CDON: variants seen among roughly 807,000 people sequenced by gnomAD.
The protein encoded by CDON is cell adhesion molecule-related/down-regulated by oncogenes.
A neutral mutation model predicts 120.9 loss-of-function variants in CDON; 73 were observed. The observed-to-expected ratio is 0.60, with a 90% CI of 0.50 to 0.73. The LOEUF (loss-of-function observed/expected upper bound fraction) is 0.73. CDON is among the 30% of genes least tolerant of loss of function. The pLI is 0.00. For missense variants in CDON, 1,470 were observed against 1,587.3 expected, an observed-to-expected ratio of 0.93 and a Z score of 1.26; for synonymous variants, 566 against 573.5, an observed-to-expected ratio of 0.99 and a Z score of 0.19.
chr11:125,981,216 G>A lies in CDON; in HGVS notation c.3109C>T (p.Leu1037=). The A allele has an allele frequency of 2.5e-6, 4 of 1,614,212 alleles. No individual in the cohort carries two copies. Among genetic ancestry groups the A allele is most frequent in the Non-Finnish European group, 3.4e-6 (4 of 1,180,034 alleles). ...CCACTGCTGAGACCGCCATTGGTTA[G>A]GAAGCCTCCGTGAACATTTCCATTT... is the stretch of plus-strand genomic sequence containing the variant. The part of the protein sequence containing the change: ...QINGNVHGGF[L]TNGGLSSGYS... Residue 1037 remains leucine, a synonymous_variant, in exon 17 of 20, where the codon CTA becomes TTA. Coordinates refer to ENST00000531738, the MANE Select transcript of CDON (RefSeq NM_001378964.1).
chr11:125,963,974 C>G (rs1323854329), intron 18 of CDON, among the ~76,000 whole-genome samples: 1 of 152,180 alleles, frequency 6.6e-6, no homozygotes, highest in Non-Finnish European at 1.5e-5. Context: ...CCAACTTACT[C>G]TCTTGTCTAT....
At chr11:126,038,418 G>A (rs772546243) in intron 1 of CDON, among the ~76,000 whole-genome samples, 5 of 152,158 alleles carry the variant, frequency 3.3e-5, no homozygotes, top group African/African-American at 9.7e-5. Context: ...TAGGGGGGCC[G>A]AGGCAGGAGG....
chr11:126,032,426 G>A (rs953556214), intron 1 of CDON, among the ~76,000 whole-genome samples: 1 of 152,070 alleles, frequency 6.6e-6, no homozygotes, highest in Non-Finnish European at 1.5e-5. Context: ...GACACAGTGA[G>A]GGGAAAGCAA....
At chr11:126,015,984 T>G (rs1947456719) in intron 6 of CDON, among the ~76,000 whole-genome samples, 1 of 152,200 alleles carries the variant, frequency 6.6e-6, no homozygotes, top group Admixed American at 6.5e-5. Context: ...CAAAACTTCC[T>G]TTAGGGATCC....
intron 18 of CDON, among the ~76,000 whole-genome samples, chr11:125,971,029 CTTG>C (rs1945966445): frequency 6.6e-6 from 1 of 152,132 alleles, no homozygotes; most frequent in Non-Finnish European, 1.5e-5. Context: ...AACTGGACAA[CTTG>C]TTGTTTTAAT....
chr11:126,002,432 G>T (rs1243940992), intron 10 of CDON, among the ~76,000 whole-genome samples: 2 of 152,004 alleles, frequency 1.3e-5, no homozygotes, highest in African/African-American at 4.8e-5. Flanking sequence ...TAGATGAAAG[G>T]GTCTTTTTCA....
chr11:125,978,293 T>C lies in CDON; in HGVS notation c.3356+11A>G. The C allele has an allele frequency of 6.6e-7, 1 of 1,511,410 alleles. No homozygotes were observed. The highest frequency in any genetic ancestry group is 1.2e-5 in the South Asian group (1 of 86,760). The allele number at this position is 1,511,410 out of a possible 1,614,324, so 93.6% of individuals were successfully genotyped here. A position where few individuals can be genotyped will look rare whatever the true frequency, so the allele number is the denominator to read the frequency against. On this transcript the variant is annotated intron_variant, in intron 18 of 19. Coordinates refer to ENST00000531738, the MANE Select transcript of CDON (RefSeq NM_001378964.1). ...TTCACAACAGCTTGTGCAGACACAT[T>C]ATTAACATACCTATTGTTGTTTCGA...
intron 18 of CDON, among the ~76,000 whole-genome samples, chr11:125,974,206 AT>A (rs1946085757): frequency 6.6e-6 from 1 of 151,652 alleles, no homozygotes; most frequent in African/African-American, 2.4e-5. Flanking sequence ...GATTTATGTC[AT>A]TTTCTTAAAA....
chr11:126,039,987 T>C (rs1948212376), intron 1 of CDON, among the ~76,000 whole-genome samples: 2 of 152,126 alleles, frequency 1.3e-5, no homozygotes, highest in South Asian at 2.1e-4. Flanking sequence ...ACTTATGGCC[T>C]TCACTTTCAT....
chr11:125,996,332 G>A (rs1198581365), intron 12 of CDON, among the ~76,000 whole-genome samples: 1 of 152,132 alleles, frequency 6.6e-6, no homozygotes, highest in Non-Finnish European at 1.5e-5. Flanking sequence ...ACTAAAAGTT[G>A]AGTTTGTGAA....
At position 126,017,341 on chromosome 11, in the gene CDON, G is replaced by A; in HGVS notation, c.675C>T (p.Pro225=). The A allele has an allele frequency of 6.2e-7, 1 of 1,614,110 alleles. No homozygotes were observed. The highest frequency in any genetic ancestry group is 8.5e-7 in the Non-Finnish European group (1 of 1,179,980). ...PSSDDVHILH[P]THSQALAVLS... The stretch of plus-strand genomic sequence containing the variant: ...GAACAGCTAATGCCTGTGAATGGGT[G>A]GGGTGAAGAATGTGAACATCATCTG... The change falls in exon 6 of 20, where the codon CCC becomes CCT. Residue 225 remains proline (P), a synonymous_variant. Coordinates refer to ENST00000531738, the MANE Select transcript of CDON (RefSeq NM_001378964.1).
intron 1 of CDON, among the ~76,000 whole-genome samples, chr11:126,041,188 T>TAA (rs562515383): frequency 6.7e-4 from 63 of 94,060 alleles, no homozygotes; most frequent in African/African-American, 1.1e-3. Context: ...TGAGACTGTC[T>TAA]AAAAAAAAAA....
intron 18 of CDON, among the ~76,000 whole-genome samples, chr11:125,962,806 C>T (rs1020370520): frequency 5.9e-5 from 9 of 151,934 alleles, no homozygotes; most frequent in Admixed American, 1.3e-4. Context: ...TCTTTTGTAC[C>T]GGCTCTGTTT....
intron 18 of CDON, among the ~76,000 whole-genome samples, chr11:125,971,398 A>ATTAAT (rs1455278840): frequency 1.2e-4 from 18 of 147,096 alleles, no homozygotes; most frequent in African/African-American, 4.8e-4. Context: ...AAATAAATAA[A>ATTAAT]TAAATAAATA....
chr11:125,985,545 G>A (rs898231489), intron 15 of CDON, among the ~76,000 whole-genome samples: 2 of 152,192 alleles, frequency 1.3e-5, no homozygotes, highest in African/African-American at 4.8e-5. Flanking sequence ...GTAATGAAGG[G>A]TAAATGAGTT....
intron 1 of CDON, among the ~76,000 whole-genome samples, chr11:126,027,284 C>T (rs1186904848): frequency 6.6e-6 from 1 of 152,178 alleles, no homozygotes; most frequent in African/African-American, 2.4e-5. Context: ...CAGCCAGTAA[C>T]AGCACCCCAG....
intron 1 of CDON, among the ~76,000 whole-genome samples, chr11:126,026,054 C>G (rs2134723851): frequency 6.6e-6 from 1 of 152,256 alleles, no homozygotes; most frequent in African/African-American, 2.4e-5. Flanking sequence ...TTTAGCTTTA[C>G]AAAATTTTAG....
At chr11:126,053,010 C>T (rs1948604043) in intron 1 of CDON, among the ~76,000 whole-genome samples, 1 of 152,048 alleles carries the variant, frequency 6.6e-6, no homozygotes, top group Non-Finnish European at 1.5e-5. Flanking sequence ...TAGGGGGTGT[C>T]ATGTCCTGGA....
chr11:126,054,485 T>C (rs1394715813), intron 1 of CDON, among the ~76,000 whole-genome samples: 2 of 152,240 alleles, frequency 1.3e-5, no homozygotes, highest in Non-Finnish European at 2.9e-5. Flanking sequence ...TTATCTTCAT[T>C]ACTTGAAGCT....
Sources: gnomAD v4.1 joint callset for allele counts (sites outside exome capture counted in the v4.1 genomes callset) on GRCh38, gnomAD v4.1.1 for gene constraint, MANE v1.5 for transcripts, NCBI Gene and HGNC (gene_info 2026-07-23, HGNC 2026-07-21) for gene names.